DPP10: variants seen among roughly 807,000 people sequenced by gnomAD.
DPP10 encodes the protein dipeptidyl peptidase like 10, also known as inactive dipeptidyl peptidase 10.
A neutral mutation model predicts 120.9 loss-of-function variants in DPP10; 33 were observed. The observed-to-expected ratio is 0.27, with a 90% CI of 0.21 to 0.37. The LOEUF is 0.37. DPP10 is among the 10% of genes least tolerant of loss of function. DPP10 has a pLI of 1.00. For synonymous variants in DPP10, 337 were observed against 326.1 expected (o/e 1.03, Z -0.36); for missense variants, 816 against 942.8 (o/e 0.87, Z 1.76).
chr2:115,683,333 A>T (rs990185622), intron 5 of DPP10, among the ~76,000 whole-genome samples: 3 of 151,892 alleles, frequency 2.0e-5, no homozygotes, highest in Admixed American at 6.6e-5. Flanking sequence ...TTTGCTCGGG[A>T]TTAGGATGGA....
intron 1 of DPP10, chr2:115,234,065 A>G (rs1322052845): frequency 1.4e-5 from 6 of 417,154 alleles, no homozygotes; most frequent in Non-Finnish European, 2.8e-5. Context: ...TAAGCAATAG[A>G]ATAATGATGA....
At chr2:115,007,299 T>C (rs1701925917) in intron 1 of DPP10, among the ~76,000 whole-genome samples, 1 of 152,172 alleles carries the variant, frequency 6.6e-6, no homozygotes, top group Admixed American at 6.6e-5. Flanking sequence ...TAATCCAGCA[T>C]ATAAACAGAG....
At chr2:114,516,220 G>A (rs1464506725) in intron 1 of DPP10, among the ~76,000 whole-genome samples, 1 of 152,206 alleles carries the variant, frequency 6.6e-6, no homozygotes, top group Non-Finnish European at 1.5e-5. Context: ...AAGATGGTGG[G>A]AATGGGAGGA....
intron 1 of DPP10, among the ~76,000 whole-genome samples, chr2:115,197,786 T>C (rs2055392017): frequency 6.6e-6 from 1 of 152,220 alleles, no homozygotes; most frequent in African/African-American, 2.4e-5. Context: ...GGTTTTGAAG[T>C]ATGCTTATGA....
At chr2:114,477,143 G>A (rs1421963300) in intron 1 of DPP10, among the ~76,000 whole-genome samples, 1 of 151,914 alleles carries the variant, frequency 6.6e-6, no homozygotes, top group Non-Finnish European at 1.5e-5. Context: ...ATTTTTAGTA[G>A]AGGCATGGTT....
intron 1 of DPP10, among the ~76,000 whole-genome samples, chr2:114,564,855 G>T (rs902089565): frequency 4.6e-5 from 7 of 152,124 alleles, no homozygotes; most frequent in Non-Finnish European, 1.0e-4. Flanking sequence ...TGCACTGTTT[G>T]TTTTGTTTTT....
At position 115,169,671 on chromosome 2, in the gene DPP10, A is replaced by G. The variant is rs139752939; in HGVS notation, c.61-139568A>G. Among the ~76,000 whole-genome samples, 451 of 152,314 alleles carry G rather than the reference A, an allele frequency of 3.0e-3. 1 individual carries two copies. Among genetic ancestry groups the G allele is most frequent in the African/African-American group, 0.01 (425 of 41,582 alleles). On this transcript the variant is annotated intron_variant, in intron 1 of 25. Transcript: ENST00000410059. ...AATGATTTACTTAGAAATTCTTTGC[A>G]TACGGGAACAGGTGATATTATTTAG...
At chr2:115,100,225 A>T (rs2048612441) in intron 1 of DPP10, among the ~76,000 whole-genome samples, 1 of 152,186 alleles carries the variant, frequency 6.6e-6, no homozygotes, top group Non-Finnish European at 1.5e-5. Flanking sequence ...CAAGAGGATC[A>T]CTTGACATGA....
intron 1 of DPP10, among the ~76,000 whole-genome samples, chr2:114,987,804 C>CTTTTTTTTTTTTTTTT (rs59203543): frequency 0.01 from 1,020 of 101,028 alleles, 196 homozygotes; most frequent in East Asian, 0.06. Context: ...TGGAGACTGT[C>CTTTTTTTTTTTTTTTT]TTTTTTTTTT....
intron 1 of DPP10, among the ~76,000 whole-genome samples, chr2:115,299,177 G>A (rs937206826): frequency 6.6e-5 from 10 of 151,952 alleles, no homozygotes; most frequent in Non-Finnish European, 1.0e-4. Flanking sequence ...TATCTTGTCC[G>A]TGTATTCTGT....
intron 1 of DPP10, among the ~76,000 whole-genome samples, chr2:115,054,943 T>C (rs1255508830): frequency 1.3e-5 from 2 of 152,180 alleles, no homozygotes; most frequent in Non-Finnish European, 2.9e-5. Context: ...TCATACCTGC[T>C]ATGTACAATT....
At chr2:115,571,141 C>G (rs940658705) in intron 5 of DPP10, among the ~76,000 whole-genome samples, 4 of 152,190 alleles carry the variant, frequency 2.6e-5, no homozygotes, top group African/African-American at 9.7e-5. Flanking sequence ...ATAATTAGAT[C>G]TATGGAGATA....
At chr2:115,546,041 A>T (rs534622693) in intron 5 of DPP10, among the ~76,000 whole-genome samples, 1 of 152,262 alleles carries the variant, frequency 6.6e-6, no homozygotes, top group African/African-American at 2.4e-5. Flanking sequence ...GCTCTGAGCA[A>T]CGCCTAGATT....
intron 1 of DPP10, among the ~76,000 whole-genome samples, chr2:114,745,473 T>A (rs1451237119): frequency 1.3e-5 from 2 of 152,228 alleles, no homozygotes; most frequent in African/African-American, 4.8e-5. Flanking sequence ...AGAATTTTTT[T>A]AATTAAAATT....
intron 1 of DPP10, among the ~76,000 whole-genome samples, chr2:114,795,253 C>T (rs190140944): frequency 6.6e-6 from 1 of 152,036 alleles, no homozygotes; most frequent in East Asian, 1.9e-4. Context: ...GCAATCCCAG[C>T]ACTTTGGGAG....
At chr2:114,829,365 C>A (rs1686859927) in intron 1 of DPP10, among the ~76,000 whole-genome samples, 1 of 147,724 alleles carries the variant, frequency 6.8e-6, no homozygotes, top group Non-Finnish European at 1.5e-5. Context: ...ACACATAAGA[C>A]GTTTTTGTCT....
At chr2:115,786,802 G>A (rs1683394053) in intron 17 of DPP10, among the ~76,000 whole-genome samples, 1 of 152,146 alleles carries the variant, frequency 6.6e-6, no homozygotes. Flanking sequence ...TGGAATTGAG[G>A]CTTATGGAAA....
intron 3 of DPP10, among the ~76,000 whole-genome samples, chr2:115,413,778 CCT>C (rs1303618184): frequency 6.6e-6 from 1 of 152,150 alleles, no homozygotes; most frequent in Non-Finnish European, 1.5e-5. Flanking sequence ...AAATTTCTAC[CCT>C]GTGTCTCAAC....
chr2:115,259,535 T>A (rs575277460), intron 1 of DPP10, among the ~76,000 whole-genome samples: 1 of 152,038 alleles, frequency 6.6e-6, no homozygotes, highest in East Asian at 1.9e-4. Context: ...ACTTCATTTA[T>A]TTGTACCCAT....
Sources: allele counts gnomAD v4.1 joint callset (sites outside exome capture counted in the v4.1 genomes callset), GRCh38; gene constraint gnomAD v4.1.1; transcripts MANE v1.5; gene names NCBI Gene and HGNC (gene_info 2026-07-23, HGNC 2026-07-21).